CYP7B1: variants seen among roughly 807,000 people sequenced by gnomAD.
The protein encoded by CYP7B1 is cytochrome P450 7B1.
Under a neutral mutation model 42.7 loss-of-function variants are expected in CYP7B1, and 29 were observed. That is an observed-to-expected ratio of 0.68 (90% CI 0.51 to 0.93). CYP7B1 has a LOEUF of 0.93. CYP7B1 is among the 40% of genes least tolerant of loss of function. CYP7B1 has a pLI of 0.00. For synonymous variants in CYP7B1, 235 were observed against 218.2 expected (o/e 1.08, Z -0.68); for missense variants, 655 against 600.5 (o/e 1.09, Z -0.95).
chr8:64,604,588 TG>T lies in CYP7B1; in HGVS notation c.1233+93del, dbSNP rs1359346523. On this transcript the variant is annotated intron_variant, in intron 5 of 5. Coordinates refer to ENST00000310193, the MANE Select transcript of CYP7B1 (RefSeq NM_004820.5). ...CCATCAAGCTGCCTCAAACCCCTTC[TG>T]GACCAAAGTGGCAAGAGGAAGAGAT... is the stretch of plus-strand genomic sequence containing the variant. 4 of 1,470,974 alleles carry T rather than the reference TG, an allele frequency of 2.7e-6. No homozygotes were observed. The African/African-American group carries it at 5.5e-5, about 20-fold the overall frequency. 91.1% of individuals were successfully genotyped at this position (1,470,974 alleles called of 1,614,324 possible).
At chr8:64,611,070 C>T (rs1022581363) in intron 4 of CYP7B1, among the ~76,000 whole-genome samples, 29 of 152,030 alleles carry the variant, frequency 1.9e-4, no homozygotes, top group African/African-American at 6.8e-4. Context: ...CTGTATGATC[C>T]TCTGGCCCAT....
At chr8:64,704,044 C>G (rs1306145620) in intron 1 of CYP7B1, 1 of 151,964 alleles carries the variant, frequency 6.6e-6, no homozygotes, top group Non-Finnish European at 1.5e-5. Flanking sequence ...CTAGTCAGGA[C>G]AGAAAGCAAT....
At chr8:64,750,490 T>C (rs1201040727) in intron 1 of CYP7B1, among the ~76,000 whole-genome samples, 1 of 152,230 alleles carries the variant, frequency 6.6e-6, no homozygotes, top group Non-Finnish European at 1.5e-5. Context: ...AAAGAAGATA[T>C]TGGTTCCATC....
rs148133366 is a variant in CYP7B1 at position 64,744,688 on chromosome 8, T to C, written c.122+53778A>G. The stretch of plus-strand genomic sequence containing the variant: ...CTTTGAGATGTACTCTGCAAACCCA[T>C]GAATTGTCTTAATTTTGCCCTGTTA... On this transcript the variant is annotated intron_variant, in intron 1 of 5. Transcript: ENST00000310193. Among the ~76,000 whole-genome samples the C allele has an allele frequency of 2.4e-3, 367 of 152,314 alleles. 1 individual carries two copies. Among genetic ancestry groups the C allele is most frequent in the Admixed American group, 3.9e-3 (60 of 15,284 alleles).
chr8:64,652,492 A>G (rs991310869), intron 1 of CYP7B1, among the ~76,000 whole-genome samples: 8 of 152,260 alleles, frequency 5.3e-5, no homozygotes, highest in Admixed American at 1.3e-4. Context: ...ACTACAGCAC[A>G]ATAAAAATAG....
chr8:64,671,662 A>G (rs568720277), intron 1 of CYP7B1, among the ~76,000 whole-genome samples: 2 of 152,260 alleles, frequency 1.3e-5, no homozygotes, highest in African/African-American at 2.4e-5. Flanking sequence ...TGGACTTGAC[A>G]GCTCCTGCAA....
At chr8:64,672,304 C>T (rs150908327) in intron 1 of CYP7B1, among the ~76,000 whole-genome samples, 19 of 152,048 alleles carry the variant, frequency 1.2e-4, no homozygotes, top group African/African-American at 4.3e-4. Flanking sequence ...TGGAGGTGAC[C>T]GATTAAGGTG....
At chr8:64,765,137 A>G (rs557987158) in intron 1 of CYP7B1, among the ~76,000 whole-genome samples, 2 of 152,312 alleles carry the variant, frequency 1.3e-5, no homozygotes, top group East Asian at 3.9e-4. Context: ...AAAAAAATCT[A>G]TACCAATTCT....
At chr8:64,743,299 T>G (rs1585889641) in intron 1 of CYP7B1, among the ~76,000 whole-genome samples, 1 of 152,206 alleles carries the variant, frequency 6.6e-6, no homozygotes. Context: ...AGGCTCTATA[T>G]CTGTTAATTG....
intron 4 of CYP7B1, among the ~76,000 whole-genome samples, chr8:64,611,798 T>C (rs1805367831): frequency 6.6e-6 from 1 of 152,136 alleles, no homozygotes; most frequent in South Asian, 2.1e-4. Flanking sequence ...CAGAGTATGT[T>C]TGCTCTTTTC....
intron 4 of CYP7B1, 48 bp from the exon 5 acceptor site, chr8:64,604,905 G>A: frequency 1.3e-6 from 2 of 1,585,140 alleles, no homozygotes. Flanking sequence ...GGCTGGTCCT[G>A]AAAACTGCTC....
chr8:64,794,670 C>G (rs1419086921), intron 1 of CYP7B1, among the ~76,000 whole-genome samples: 1 of 152,196 alleles, frequency 6.6e-6, no homozygotes, highest in Non-Finnish European at 1.5e-5. Context: ...AAAGACCCCA[C>G]TGCTTAATAC....
intron 1 of CYP7B1, among the ~76,000 whole-genome samples, chr8:64,764,229 G>GCCCCCCCCCCCCCCCCCCCCC (rs59605103): frequency 1.3e-4 from 16 of 125,188 alleles, no homozygotes; most frequent in East Asian, 4.8e-4. Context: ...CTTCCACGCT[G>GCCCCCCCCCCCCCCCCCCCCC]CCCCCCCCAC....
At chr8:64,756,890 C>A (rs1807816939) in intron 1 of CYP7B1, among the ~76,000 whole-genome samples, 1 of 152,216 alleles carries the variant, frequency 6.6e-6, no homozygotes, top group African/African-American at 2.4e-5. Flanking sequence ...GAACTTTCAT[C>A]TTCAGTTTGT....
intron 1 of CYP7B1, among the ~76,000 whole-genome samples, chr8:64,644,265 C>T (rs1338978699): frequency 6.7e-6 from 1 of 148,292 alleles, no homozygotes; most frequent in Non-Finnish European, 1.5e-5. Context: ...GAGTGGGACT[C>T]CATCTCAAAA....
intron 1 of CYP7B1, among the ~76,000 whole-genome samples, chr8:64,627,484 T>C (rs1003152643): frequency 2.0e-5 from 3 of 152,242 alleles, no homozygotes; most frequent in Admixed American, 6.5e-5. Flanking sequence ...TTTGGTTTAA[T>C]GTTGCTTGAA....
At chr8:64,663,769 T>A (rs1413990512) in intron 1 of CYP7B1, among the ~76,000 whole-genome samples, 1 of 152,184 alleles carries the variant, frequency 6.6e-6, no homozygotes, top group East Asian at 1.9e-4. Context: ...GCTAGCTCTC[T>A]TCATTCTTTC....
At chr8:64,778,643 T>A (rs11787366) in intron 1 of CYP7B1, among the ~76,000 whole-genome samples, 2 of 152,018 alleles carry the variant, frequency 1.3e-5, no homozygotes, top group African/African-American at 4.8e-5. Context: ...TCCCAGGGGG[T>A]GAAAATATCC....
At chr8:64,662,016 A>G (rs184620477) in intron 1 of CYP7B1, among the ~76,000 whole-genome samples, 115 of 152,216 alleles carry the variant, frequency 7.6e-4, no homozygotes, top group African/African-American at 2.6e-3. Context: ...CTCACAAGGC[A>G]TGGCCCTAGC....
Sources: gnomAD v4.1 joint callset for allele counts (sites outside exome capture counted in the v4.1 genomes callset) on GRCh38, gnomAD v4.1.1 for gene constraint, MANE v1.5 for transcripts, NCBI Gene and HGNC (gene_info 2026-07-23, HGNC 2026-07-21) for gene names.